LYST: variants seen among roughly 807,000 people sequenced by gnomAD.
The protein encoded by LYST is lysosomal-trafficking regulator.
In LYST, 192 loss-of-function variants were observed where a neutral mutation model predicts 413.6. The observed-to-expected ratio is 0.46, with a 90% CI of 0.41 to 0.52. The LOEUF (loss-of-function observed/expected upper bound fraction) is 0.52. LYST is among the 20% of genes least tolerant of loss of function. LYST has a pLI of 0.00. For missense variants in LYST, 3,815 were observed against 4,499.9 expected (o/e 0.85, Z 4.35); for synonymous variants, 1,525 against 1,567.3 (o/e 0.97, Z 0.64).
intron 25 of LYST, among the ~76,000 whole-genome samples, chr1:235,753,593 G>A (rs993035766): frequency 6.6e-6 from 1 of 152,086 alleles, no homozygotes; most frequent in African/African-American, 2.4e-5. Context: ...GGCTTCAAGT[G>A]CACAGGAAAA....
intron 1 of LYST, among the ~76,000 whole-genome samples, chr1:235,837,762 AG>A (rs1161466335): frequency 1.3e-5 from 2 of 152,130 alleles, no homozygotes; most frequent in Non-Finnish European, 2.9e-5. Flanking sequence ...AAGAGTGGTG[AG>A]GAAATGAAGG....
rs1424089166 is a variant in LYST at position 235,770,191 on chromosome 1, T to C, written c.5891A>G (p.His1964Arg). The change falls in exon 20 of 53, where the codon CAT (histidine) becomes CGT (arginine). Residue 1964 changes from histidine to arginine, a missense_variant. By Grantham distance (29) the His-to-Arg change is conservative. Coordinates refer to ENST00000389793, the MANE Select transcript of LYST (RefSeq NM_000081.4). ...AACCTGACAAGTCAGTAGAAAGTGA[T>C]GAACCACTTGAGCTTTCAATAACTG... ...IKQLLKAQVV[H>R]HFLLTCQVLQ... 1 of 1,613,704 alleles carries C rather than the reference T, an allele frequency of 6.2e-7. No individual in the cohort carries two copies.
chr1:235,739,042 T>C (rs1185935714), intron 31 of LYST: 1 of 648,634 alleles, frequency 1.5e-6, no homozygotes, highest in Admixed American at 1.9e-5. Context: ...GGATTTTAGT[T>C]GGAGGTTGTG....
intron 18 of LYST, 103 bp downstream of exon 18, chr1:235,774,810 C>T (rs1174809846): frequency 1.1e-5 from 8 of 759,278 alleles, no homozygotes; most frequent in Non-Finnish European, 1.8e-5. Flanking sequence ...CCTCCATTTT[C>T]TTCAGGAATA....
chr1:235,794,607 A>G (rs1187334660), intron 10 of LYST, among the ~76,000 whole-genome samples: 2 of 152,252 alleles, frequency 1.3e-5, no homozygotes, highest in African/African-American at 4.8e-5. Flanking sequence ...AAAACCTGAG[A>G]TAAGTTTTAA....
intron 25 of LYST, among the ~76,000 whole-genome samples, chr1:235,753,657 G>T (rs1036713125): frequency 1.3e-5 from 2 of 152,114 alleles, no homozygotes; most frequent in African/African-American, 4.8e-5. Flanking sequence ...GTAAAAAGAG[G>T]TCTAGCAAAA....
intron 9 of LYST, 59 bp from the exon 10 acceptor site, chr1:235,800,445 T>G (rs1572300329): frequency 1.1e-6 from 1 of 919,582 alleles, no homozygotes; most frequent in East Asian, 2.4e-5. Flanking sequence ...ATGAAACAAC[T>G]GCAATGTCAT....
chr1:235,862,523 C>T (rs6429387), intron 1 of LYST, among the ~76,000 whole-genome samples: 9,359 of 152,146 alleles, frequency 0.062, 955 homozygotes, highest in African/African-American at 0.21. Flanking sequence ...AGGCCGGGTG[C>T]GGTGGCTCAT....
At chr1:235,876,212 A>G (rs1430727372) in intron 1 of LYST, among the ~76,000 whole-genome samples, 3 of 152,022 alleles carry the variant, frequency 2.0e-5, no homozygotes, top group Admixed American at 6.6e-5. Flanking sequence ...ACAGAGTGGG[A>G]CTCTGTCTCA....
intron 45 of LYST, among the ~76,000 whole-genome samples, chr1:235,697,842 T>G (rs535588760): frequency 6.6e-6 from 1 of 152,212 alleles, no homozygotes; most frequent in Admixed American, 6.5e-5. Context: ...CTCTAGCCAG[T>G]ACTAGAGAAG....
intron 12 of LYST, among the ~76,000 whole-genome samples, chr1:235,789,399 G>A (rs1670769873): frequency 6.6e-6 from 1 of 152,066 alleles, no homozygotes; most frequent in Non-Finnish European, 1.5e-5. Context: ...TTTCTTTAAG[G>A]CAAGCTAGGG....
At chr1:235,876,026 C>T (rs577002874) in intron 1 of LYST, among the ~76,000 whole-genome samples, 1 of 151,826 alleles carries the variant, frequency 6.6e-6, no homozygotes. Context: ...AGTTTGAGAC[C>T]AGCCTGGCCA....
intron 45 of LYST, 119 bp from the exon 46 acceptor site, chr1:235,697,391 G>A: frequency 2.8e-6 from 2 of 715,668 alleles, no homozygotes; most frequent in Non-Finnish European, 4.7e-6. Flanking sequence ...CTCTGTAAGG[G>A]CAATAATTAT....
At position 235,734,580 on chromosome 1, in the gene LYST, G is replaced by C; in HGVS notation, c.8438C>G (p.Thr2813Arg). Residue 2813 changes from threonine (T) to arginine (R), a missense_variant, in exon 32 of 53, where the codon ACA (threonine) becomes AGA (arginine). By Grantham distance (71) the Thr-to-Arg change is moderately conservative. Transcript: ENST00000389793. ...CAAAGCATTCATAAGCAGTTCTGCTGTGCCTAGCTCTTCTTCAGTCAATTC... is the reference window on the plus strand; with the variant it reads ...CAAAGCATTCATAAGCAGTTCTGCTCTGCCTAGCTCTTCTTCAGTCAATTC... ...QGELTEEELG[T>R]AELLMNALKL... 6.2e-7 allele frequency: 1 copy of C among 1,613,340 alleles called. No homozygotes were observed. The highest frequency in any genetic ancestry group is 1.7e-4 in the Middle Eastern group (1 of 6,058).
chr1:235,805,123 C>CAT (rs1209597052), intron 6 of LYST, among the ~76,000 whole-genome samples: 1 of 152,154 alleles, frequency 6.6e-6, no homozygotes. Context: ...AGAGGTCTGC[C>CAT]ATATTCCAGG....
chr1:235,797,994 T>C lies in LYST; in HGVS notation c.4006+2326A>G, dbSNP rs1671741776. Among the ~76,000 whole-genome samples, 3 of 152,188 alleles carry C rather than the reference T, an allele frequency of 2.0e-5. No individual in the cohort carries two copies. In the South Asian group the frequency reaches 6.2e-4, roughly 32 times the overall value. On this transcript the variant is annotated intron_variant, in intron 10 of 52. Coordinates refer to ENST00000389793, the MANE Select transcript of LYST (RefSeq NM_000081.4). ...AATAGATATTTCTTCAAACAAGATATACGAATGGCCAATAAGTACATGAAA... is the reference window on the plus strand; with the variant it reads ...AATAGATATTTCTTCAAACAAGATACACGAATGGCCAATAAGTACATGAAA...
rs143683082 is a variant in LYST at position 235,778,119 on chromosome 1, A to T, written c.5215-811T>A. Among the ~76,000 whole-genome samples the T allele has an allele frequency of 7.9e-4, 116 of 145,928 alleles. No homozygotes were observed. In the East Asian group the frequency reaches 0.017, roughly 21 times the overall value. On this transcript the variant is annotated intron_variant, in intron 16 of 52. Coordinates refer to ENST00000389793, the MANE Select transcript of LYST (RefSeq NM_000081.4). ...GTTAAATATATATATATATATATAT[A>T]TATTTTTGTAGAGACATGGTCTTGT...
intron 43 of LYST, among the ~76,000 whole-genome samples, chr1:235,709,711 T>G (rs865964734): frequency 2.0e-5 from 3 of 150,434 alleles, no homozygotes; most frequent in Middle Eastern, 3.4e-3. Context: ...ATTTCTAAAC[T>G]ATTGGTATTA....
chr1:235,683,571 C>T (rs1371993741), intron 48 of LYST, among the ~76,000 whole-genome samples: 1 of 152,194 alleles, frequency 6.6e-6, no homozygotes, highest in East Asian at 1.9e-4. Context: ...TCAACAGAAA[C>T]TTACGGTGCT....
Sources: allele counts gnomAD v4.1 joint callset (sites outside exome capture counted in the v4.1 genomes callset), GRCh38; gene constraint gnomAD v4.1.1; transcripts MANE v1.5; gene names NCBI Gene and HGNC (gene_info 2026-07-23, HGNC 2026-07-21).